The following ALOX5 variants were observed in gnomAD, a reference collection of about 807,000 sequenced individuals.
The protein encoded by ALOX5 is polyunsaturated fatty acid 5-lipoxygenase.
ALOX5 carries 64 observed loss-of-function variants against 87.9 expected under a neutral mutation model. That is an observed-to-expected ratio of 0.73 (90% CI 0.60 to 0.90). The LOEUF (loss-of-function observed/expected upper bound fraction) is 0.90, where lower values mean the gene tolerates loss of function less well. Ranked by LOEUF, ALOX5 falls within the 40% of genes least tolerant of loss-of-function variation. The pLI is 0.00. For missense variants in ALOX5, 822 were observed against 907.5 expected (o/e 0.91, Z 1.21); for synonymous variants, 388 against 355.1 (o/e 1.09, Z -1.04).
chr10:45,441,574 C>A, intron 9 of ALOX5, 144 bp downstream of exon 9: 1 of 759,316 alleles, frequency 1.3e-6, no homozygotes, highest in Non-Finnish European at 2.1e-6. Flanking sequence ...CAGCATCCTC[C>A]TGATGTCTCC....
At chr10:45,397,867 C>A (rs1210782087) in intron 3 of ALOX5, among the ~76,000 whole-genome samples, 2 of 152,202 alleles carry the variant, frequency 1.3e-5, no homozygotes, top group East Asian at 3.8e-4. Flanking sequence ...AAAGACATTT[C>A]ATGTTCATGA....
At chr10:45,436,983 C>A (rs1430197352) in intron 7 of ALOX5, among the ~76,000 whole-genome samples, 8 of 152,086 alleles carry the variant, frequency 5.3e-5, no homozygotes. Flanking sequence ...GTATGGGGGA[C>A]TATTGTAACT....
chr10:45,439,040 C>T (rs1842140718), intron 7 of ALOX5, among the ~76,000 whole-genome samples: 1 of 152,242 alleles, frequency 6.6e-6, no homozygotes, highest in East Asian at 1.9e-4. Flanking sequence ...ATTTTTAAGA[C>T]TTAGAATAAG....
rs1044201987 is a variant in ALOX5 at position 45,395,095 on chromosome 10, C to T, written c.350-760C>T. ...TAGAAATACCATTTGACCCAGCCATCCCATTACTGGGTATATACCCAAAGG... is the reference window on the plus strand; with the variant it reads ...TAGAAATACCATTTGACCCAGCCATTCCATTACTGGGTATATACCCAAAGG... On this transcript the variant is annotated intron_variant, in intron 2 of 13. Coordinates refer to ENST00000374391, the MANE Select transcript of ALOX5 (RefSeq NM_000698.5). Among the ~76,000 whole-genome samples the T allele has an allele frequency of 8.0e-4, 122 of 152,188 alleles. 2 individuals carry two copies. The highest frequency in any genetic ancestry group is 1.2e-3 in the Non-Finnish European group (81 of 68,034).
At position 45,374,352 on chromosome 10, in the gene ALOX5, A is replaced by G. The variant is rs1839497329; in HGVS notation, c.73A>G (p.Ser25Gly). 1 of 1,540,872 alleles carries G rather than the reference A, an allele frequency of 6.5e-7. No individual in the cohort carries two copies. Among genetic ancestry groups the G allele is most frequent in the Non-Finnish European group, 8.7e-7 (1 of 1,146,030 alleles). Reference sequence around the variant, plus strand: ...CGGCACTGACGACTACATCTACCTCAGCCTCGTGGGCTCGGCGGGCTGCAG... The same window carrying G: ...CGGCACTGACGACTACATCTACCTCGGCCTCGTGGGCTCGGCGGGCTGCAG... ...FAGTDDYIYL[S>G]LVGSAGCSEK... The change falls in exon 1 of 14, where the codon AGC (serine) becomes GGC (glycine). Residue 25 changes from serine to glycine, a missense_variant. Ser to Gly is a moderately conservative substitution (Grantham distance 56, BLOSUM62 0). Coordinates refer to ENST00000374391, the MANE Select transcript of ALOX5 (RefSeq NM_000698.5).
At chr10:45,394,847 A>T (rs563067284) in intron 2 of ALOX5, among the ~76,000 whole-genome samples, 1 of 152,370 alleles carries the variant, frequency 6.6e-6, no homozygotes, top group Non-Finnish European at 1.5e-5. Flanking sequence ...CAACAGACAC[A>T]TGAAAAAATG....
chr10:45,445,454 AG>A, intron 13 of ALOX5, 53 bp from the exon 14 acceptor site: 4 of 1,572,586 alleles, frequency 2.5e-6, no homozygotes, highest in Non-Finnish European at 2.6e-6. Flanking sequence ...CAGGCCTGTC[AG>A]TTTACACGGG....
intron 4 of ALOX5, among the ~76,000 whole-genome samples, chr10:45,420,253 A>C (rs1274144252): frequency 1.2e-4 from 18 of 152,208 alleles, no homozygotes. Context: ...TCCCATTGTA[A>C]AATAAATTTG....
intron 4 of ALOX5, among the ~76,000 whole-genome samples, chr10:45,412,875 C>T (rs766941223): frequency 3.3e-5 from 5 of 152,138 alleles, no homozygotes; most frequent in Admixed American, 6.5e-5. Context: ...TTGTTTCATC[C>T]GAATGTCCGC....
intron 2 of ALOX5, among the ~76,000 whole-genome samples, chr10:45,392,326 G>C (rs375825543): frequency 6.6e-6 from 1 of 152,068 alleles, no homozygotes; most frequent in Non-Finnish European, 1.5e-5. Flanking sequence ...TGTAGAAAGA[G>C]GTAGACATGG....
chr10:45,390,989 C>A (rs1588990893), intron 2 of ALOX5, among the ~76,000 whole-genome samples: 1 of 47,354 alleles, frequency 2.1e-5, no homozygotes, highest in East Asian at 7.5e-4. Flanking sequence ...TCTCCCTCTC[C>A]CCTCTCCCCT....
chr10:45,381,229 C>T (rs1042713754), intron 1 of ALOX5, among the ~76,000 whole-genome samples: 1 of 152,244 alleles, frequency 6.6e-6, no homozygotes, highest in African/African-American at 2.4e-5. Context: ...CAAGGCTAGC[C>T]TCACCCTGCC....
chr10:45,374,793 G>T (rs979947194), intron 1 of ALOX5, among the ~76,000 whole-genome samples: 2 of 152,190 alleles, frequency 1.3e-5, no homozygotes, highest in Non-Finnish European at 2.9e-5. Flanking sequence ...TCACTGGGCC[G>T]CGTTTCTTGT....
chr10:45,415,148 T>C (rs150596349), intron 4 of ALOX5, among the ~76,000 whole-genome samples: 2,692 of 152,278 alleles, frequency 0.018, 76 homozygotes, highest in African/African-American at 0.06. Flanking sequence ...ATGTTTATTG[T>C]GGCACTATTC....
At chr10:45,386,318 T>C (rs1342212999) in intron 2 of ALOX5, among the ~76,000 whole-genome samples, 1 of 148,722 alleles carries the variant, frequency 6.7e-6, no homozygotes, top group Non-Finnish European at 1.5e-5. Flanking sequence ...AAAAAAAAAT[T>C]AGCCAGGTGT....
intron 3 of ALOX5, among the ~76,000 whole-genome samples, chr10:45,402,910 C>T (rs78334475): frequency 1.3e-5 from 2 of 152,226 alleles, no homozygotes; most frequent in South Asian, 4.1e-4. Context: ...CATTAGGACT[C>T]GGGGAAATCA....
At chr10:45,419,106 G>A (rs1321060239) in intron 4 of ALOX5, among the ~76,000 whole-genome samples, 4 of 152,250 alleles carry the variant, frequency 2.6e-5, no homozygotes, top group African/African-American at 9.6e-5. Context: ...CTGTGCCGCA[G>A]TGTACGTAGA....
chr10:45,389,957 T>TG (rs1400572819), intron 2 of ALOX5, among the ~76,000 whole-genome samples: 17 of 152,170 alleles, frequency 1.1e-4, no homozygotes, highest in Non-Finnish European at 2.1e-4. Flanking sequence ...CCATCTCATG[T>TG]GCGGAGACAC....
intron 2 of ALOX5, among the ~76,000 whole-genome samples, chr10:45,392,027 CGGG>C (rs1840295131): frequency 1.3e-5 from 2 of 150,680 alleles, no homozygotes; most frequent in African/African-American, 4.9e-5. Flanking sequence ...CCGCCCCGTC[CGGG>C]AGGGGAGGGG....
Sources: allele counts gnomAD v4.1 joint callset (sites outside exome capture counted in the v4.1 genomes callset), GRCh38; gene constraint gnomAD v4.1.1; transcripts MANE v1.5; gene names NCBI Gene and HGNC (gene_info 2026-07-23, HGNC 2026-07-21).